The following PCSK2 variants were observed in gnomAD, a reference collection of about 807,000 sequenced individuals.
The protein encoded by PCSK2 is proprotein convertase subtilisin/kexin type 2.
Under a neutral mutation model 69.7 loss-of-function variants are expected in PCSK2, and 14 were observed. The observed-to-expected ratio is 0.20, with a 90% confidence interval of 0.13 to 0.31. The LOEUF (loss-of-function observed/expected upper bound fraction) is 0.31. Among genes scored for constraint, PCSK2 ranks in the 10% least tolerant of loss-of-function variants. The pLI is 1.00. For missense variants in PCSK2, 544 were observed against 842.5 expected (o/e 0.65, Z 4.39); for synonymous variants, 307 against 320.7 (o/e 0.96, Z 0.46).
At chr20:17,430,282 T>A (rs541525822) in intron 7 of PCSK2, among the ~76,000 whole-genome samples, 13 of 152,208 alleles carry the variant, frequency 8.5e-5, no homozygotes, top group African/African-American at 1.7e-4. Flanking sequence ...CAACGAGATG[T>A]CTGAGAATGG....
At chr20:17,302,964 C>T (rs1989136091) in intron 2 of PCSK2, among the ~76,000 whole-genome samples, 1 of 151,884 alleles carries the variant, frequency 6.6e-6, no homozygotes, top group Non-Finnish European at 1.5e-5. Flanking sequence ...GAAGAAGGCT[C>T]AATGTGAGCT....
chr20:17,306,901 AG>A (rs1440881057), intron 2 of PCSK2, among the ~76,000 whole-genome samples: 1 of 152,204 alleles, frequency 6.6e-6, no homozygotes, highest in Non-Finnish European at 1.5e-5. Context: ...ATTTAGAAAA[AG>A]CTTTGAATCT....
At chr20:17,282,936 G>A (rs1014029228) in intron 2 of PCSK2, among the ~76,000 whole-genome samples, 2 of 152,168 alleles carry the variant, frequency 1.3e-5, no homozygotes, top group African/African-American at 4.8e-5. Flanking sequence ...TCTAGGGTAA[G>A]ACTTTTCTTC....
chr20:17,238,834 T>C (rs1986441596), intron 1 of PCSK2, among the ~76,000 whole-genome samples: 1 of 152,210 alleles, frequency 6.6e-6, no homozygotes, highest in Admixed American at 6.5e-5. Flanking sequence ...GGGTTTACAC[T>C]TGGTAAAAGA....
intron 1 of PCSK2, among the ~76,000 whole-genome samples, chr20:17,255,589 C>T (rs1472963747): frequency 6.6e-6 from 1 of 152,200 alleles, no homozygotes; most frequent in African/African-American, 2.4e-5. Flanking sequence ...TATCTGCCCA[C>T]CTCAGCCTCC....
At chr20:17,432,006 C>A (rs1047167031) in intron 7 of PCSK2, among the ~76,000 whole-genome samples, 2 of 152,084 alleles carry the variant, frequency 1.3e-5, no homozygotes, top group Non-Finnish European at 2.9e-5. Flanking sequence ...TAGGGGGGCG[C>A]CCCTGTGATG....
At chr20:17,350,264 G>C (rs1454138352) in intron 2 of PCSK2, among the ~76,000 whole-genome samples, 2 of 150,822 alleles carry the variant, frequency 1.3e-5, no homozygotes, top group South Asian at 2.1e-4. Context: ...ACCCATCATA[G>C]TGGTAAATAA....
At chr20:17,278,023 C>T (rs1316097174) in intron 2 of PCSK2, among the ~76,000 whole-genome samples, 1 of 152,016 alleles carries the variant, frequency 6.6e-6, no homozygotes, top group Non-Finnish European at 1.5e-5. Context: ...CAATGAGATA[C>T]CATCTCACAC....
intron 5 of PCSK2, among the ~76,000 whole-genome samples, chr20:17,388,133 A>G (rs1198677612): frequency 2.0e-5 from 3 of 152,132 alleles, no homozygotes; most frequent in African/African-American, 7.2e-5. Context: ...GGGGGAAAGA[A>G]GTATATCAGT....
At chr20:17,455,825 C>T (rs1446556180) in intron 9 of PCSK2, among the ~76,000 whole-genome samples, 2 of 152,234 alleles carry the variant, frequency 1.3e-5, no homozygotes, top group Non-Finnish European at 2.9e-5. Flanking sequence ...CTATAACTGA[C>T]TATATATCCC....
At chr20:17,372,728 A>G (rs1018271649) in intron 5 of PCSK2, among the ~76,000 whole-genome samples, 3 of 152,176 alleles carry the variant, frequency 2.0e-5, no homozygotes, top group Admixed American at 1.3e-4. Flanking sequence ...TGCCTCTGGT[A>G]TAGATGAGAA....
intron 2 of PCSK2, among the ~76,000 whole-genome samples, chr20:17,275,971 C>T (rs1269191255): frequency 1.3e-5 from 2 of 152,064 alleles, no homozygotes; most frequent in African/African-American, 4.8e-5. Context: ...AATAATATTA[C>T]TTATCTGAAA....
intron 2 of PCSK2, among the ~76,000 whole-genome samples, chr20:17,348,087 G>GAAAGAA (rs1485908710): frequency 7.1e-6 from 1 of 141,290 alleles, no homozygotes; most frequent in African/African-American, 2.6e-5. Flanking sequence ...AAGAAAGAAA[G>GAAAGAA]AAAGAAAGAA....
intron 6 of PCSK2, among the ~76,000 whole-genome samples, chr20:17,425,389 G>C (rs552286826): frequency 3.3e-5 from 5 of 152,160 alleles, no homozygotes; most frequent in Non-Finnish European, 7.4e-5. Flanking sequence ...AGGGGAATTC[G>C]ACCACTAGAC....
intron 1 of PCSK2, among the ~76,000 whole-genome samples, chr20:17,257,611 C>A (rs1987227816): frequency 6.6e-6 from 1 of 152,120 alleles, no homozygotes; most frequent in Non-Finnish European, 1.5e-5. Context: ...TTCTTAAAGA[C>A]CTTGAATCAA....
At chr20:17,429,582 A>G (rs972684853) in intron 7 of PCSK2, 59 bp downstream of exon 7, 3 of 1,111,908 alleles carry the variant, frequency 2.7e-6, no homozygotes, top group Non-Finnish European at 3.9e-6. Flanking sequence ...CTCAAGGCTG[A>G]CTGTGGCCCA....
intron 2 of PCSK2, among the ~76,000 whole-genome samples, chr20:17,288,657 T>A (rs1211451930): frequency 6.6e-6 from 1 of 152,114 alleles, no homozygotes; most frequent in African/African-American, 2.4e-5. Context: ...TAAACACCCA[T>A]GAGAAGGGCA....
chr20:17,432,139 G>A (rs2032380859), intron 7 of PCSK2, among the ~76,000 whole-genome samples: 1 of 152,180 alleles, frequency 6.6e-6, no homozygotes, highest in African/African-American at 2.4e-5. Context: ...TGAGTCCTCT[G>A]AACAGAAGAG....
chr20:17,248,870 C>T (rs758686346), intron 1 of PCSK2, among the ~76,000 whole-genome samples: 5 of 152,108 alleles, frequency 3.3e-5, no homozygotes, highest in Admixed American at 6.5e-5. Context: ...GGGGCTGGGA[C>T]GTAGAGTAGG....
Sources: allele counts gnomAD v4.1 joint callset (sites outside exome capture counted in the v4.1 genomes callset), GRCh38; gene constraint gnomAD v4.1.1; transcripts MANE v1.5; gene names NCBI Gene and HGNC (gene_info 2026-07-23, HGNC 2026-07-21).